The following RGN variants were observed in gnomAD, a reference collection of about 807,000 sequenced individuals.
RGN encodes regucalcin, also known as epididymis secretory protein Li 41.
A neutral mutation model predicts 20.6 loss-of-function variants in RGN; 19 were observed. The ratio of observed to expected loss-of-function variants is 0.92; its 90% confidence interval spans 0.64 to 1.35. RGN has a LOEUF of 1.35. Ranked by LOEUF, RGN falls within the 40% of genes most tolerant of loss-of-function variation. RGN has a pLI of 0.00. For missense variants in RGN, 302 were observed against 232.7 expected (o/e 1.30, Z -1.94); for synonymous variants, 85 against 87.2 (o/e 0.97, Z 0.14).
intron 3 of RGN, among the ~76,000 whole-genome samples, chrX:47,081,701 A>G (rs1930331375): frequency 9.0e-6 from 1 of 110,532 alleles, no homozygotes; most frequent in African/African-American, 3.3e-5. Context: ...GGTGCGTGCC[A>G]CTATGTCCAG....
intron 4 of RGN, among the ~76,000 whole-genome samples, chrX:47,089,532 A>ATATTATATATAGT (rs1569540553): frequency 3.0e-5 from 1 of 33,251 alleles, no homozygotes; most frequent in Admixed American, 4.2e-4. Context: ...ATATATACTC[A>ATATTATATATAGT]TATATATACA....
chrX:47,089,506 C>A (rs1457212864), intron 4 of RGN, among the ~76,000 whole-genome samples: 2 of 26,016 alleles, frequency 7.7e-5, no homozygotes, highest in Admixed American at 5.9e-4. Context: ...ATTATATATA[C>A]TTATATATAC....
chrX:47,091,772 C>A lies in RGN; in HGVS notation c.657C>A (p.Tyr219Ter). The A allele has an allele frequency of 1.7e-6, 2 of 1,210,714 alleles. No homozygotes were observed. Among genetic ancestry groups the A allele is most frequent in the East Asian group, 3.0e-5 (1 of 33,833 alleles). ...DAEGKLWVAC[Y>*]NGGRVIRLDP... ...AGGGGAAGCTCTGGGTGGCCTGTTA[C>A]AATGGAGGAAGAGTGATTCGTTTAG... The change falls in exon 6 of 8, where the codon TAC becomes TAA. Residue 219 changes from tyrosine to a stop codon, truncating the protein, a stop_gained. Coordinates refer to ENST00000397180, the MANE Select transcript of RGN (RefSeq NM_152869.4). LOFTEE classifies it high-confidence loss of function.
chrX:47,092,927 C>T lies in RGN; in HGVS notation c.880C>T (p.Pro294Ser). ...TGGTCTGGGGGTCAAAGGAATTGCTCCCTACTCCTATGCGGGATGAGGACA... is the reference window on the plus strand; with the variant it reads ...TGGTCTGGGGGTCAAAGGAATTGCTTCCTACTCCTATGCGGGATGAGGACA... ...ITGLGVKGIA[P>S]YSYAG The change falls in exon 8 of 8, where the codon CCC becomes TCC. Residue 294 changes from proline (P) to serine (S), a missense_variant. Physicochemically the swap from Pro to Ser is moderately conservative, Grantham distance 74 (BLOSUM62 -1). Coordinates refer to ENST00000397180, the MANE Select transcript of RGN (RefSeq NM_152869.4). 8.3e-7 allele frequency: 1 copy of T among 1,206,708 alleles called. No individual in the cohort carries two copies. Among genetic ancestry groups the T allele is most frequent in the Non-Finnish European group, 1.1e-6 (1 of 891,403 alleles).
rs868985290 is a variant in RGN, at chrX:47,079,360, T to G, written c.-636+651T>G. 2.9e-3 allele frequency among the ~76,000 whole-genome samples: 117 copies of G among 40,243 alleles called. No homozygotes were observed. In the South Asian group the frequency reaches 0.04, roughly 14 times the overall value. The allele number at this position is 40,243 out of a possible 115,157, so 34.9% of individuals were successfully genotyped here. ...TGGGCTGAGGTTTTTTTGTTTGTTT[T>G]TTTTTTTGTTTTGTTTTGGTTTGGT... On this transcript the variant is annotated intron_variant, in intron 1 of 7. Coordinates refer to ENST00000397180, the MANE Select transcript of RGN (RefSeq NM_152869.4).
rs14312 is a variant in RGN at position 47,092,999 on chromosome X, C to T, written c.*52C>T. 100,920 of 983,806 alleles carry T rather than the reference C, an allele frequency of 0.1. 3,993 individuals carry two copies. The highest frequency in any genetic ancestry group is 0.12 in the Non-Finnish European group (84,673 of 707,887). 81.1% of individuals were successfully genotyped at this position (983,806 alleles called of 1,213,427 possible). On this transcript the variant is annotated 3_prime_UTR_variant, in exon 8 of 8. Transcript: ENST00000397180. ...GAGCTCTGAAGACAACTAGAGAATT[C>T]TGGGCCTGAAATTTCAATCTAGTTA...
intron 6 of RGN, 78 bp downstream of exon 6, chrX:47,091,887 T>C (rs1487076100): frequency 2.7e-6 from 3 of 1,115,958 alleles, no homozygotes; most frequent in African/African-American, 3.7e-5. Flanking sequence ...CAGAATTTCT[T>C]TTCCTGTAGA....
At chrX:47,087,115 ATTT>A (rs1211291351) in intron 4 of RGN, among the ~76,000 whole-genome samples, 1 of 112,169 alleles carries the variant, frequency 8.9e-6, no homozygotes, top group African/African-American at 3.2e-5. Flanking sequence ...GTTTAAAAGA[ATTT>A]TATCTACAGT....
At chrX:47,084,822 G>T in intron 4 of RGN, 3 of 349,497 alleles carry the variant, frequency 8.6e-6, no homozygotes, top group Non-Finnish European at 1.5e-5. Flanking sequence ...GGGCCTGGTG[G>T]CATGCATCTG....
At chrX:47,081,670 T>A (rs1930327842) in intron 3 of RGN, among the ~76,000 whole-genome samples, 1 of 110,895 alleles carries the variant, frequency 9.0e-6, no homozygotes, top group African/African-American at 3.3e-5. Context: ...TGCCTCAGCC[T>A]CCCTAGTAGC....
Position 47,090,875 on chromosome X carries a change from AAAGAAAGAAAAGAAG to A in RGN, c.563-792_563-778del, listed in dbSNP as rs1489902212. ...AGACACTGTCAAAAAAAAAAGAAAG[AAAGAAAGAAAAGAAG>A]AAGAAAGAAAGAAAGAAAGAAGAAG... On this transcript the variant is annotated intron_variant, in intron 5 of 7. Coordinates refer to ENST00000397180, the MANE Select transcript of RGN (RefSeq NM_152869.4). Among the ~76,000 whole-genome samples the A allele has an allele frequency of 7.9e-5, 7 of 88,068 alleles. No individual in the cohort carries two copies. The South Asian group carries it at 2.5e-3, about 31-fold the overall frequency. The allele number at this position is 88,068 out of a possible 115,157, so 76.5% of individuals were successfully genotyped here.
intron 3 of RGN, among the ~76,000 whole-genome samples, chrX:47,081,516 T>TTA (rs1930310439): frequency 2.8e-5 from 2 of 71,722 alleles, no homozygotes; most frequent in South Asian, 1.4e-3. Context: ...ATTCCTAGTT[T>TTA]TTTTTTGGGG....
At chrX:47,084,311 C>T (rs1930483649) in intron 3 of RGN, 107 bp from the exon 4 acceptor site, 1 of 643,252 alleles carries the variant, frequency 1.6e-6, no homozygotes, top group Non-Finnish European at 2.3e-6. Context: ...CTCCCATTGT[C>T]ACGAGAGCTG....
intron 4 of RGN, 98 bp downstream of exon 4, chrX:47,084,698 G>A: frequency 1.3e-6 from 1 of 762,839 alleles, no homozygotes; most frequent in Non-Finnish European, 1.9e-6. Flanking sequence ...GCTCCCGCCT[G>A]TAATCCAGCA....
chrX:47,089,596 TATAC>T lies in RGN; in HGVS notation c.347-178_347-175del, dbSNP rs1349630977. Among the ~76,000 whole-genome samples, 188 of 38,866 alleles carry T rather than the reference TATAC, an allele frequency of 4.8e-3. 1 individual carries two copies. The highest frequency in any genetic ancestry group is 0.03 in the African/African-American group (182 of 6,109). 33.8% of individuals were successfully genotyped at this position (38,866 alleles called of 115,157 possible). On this transcript the variant is annotated intron_variant, in intron 4 of 7. Coordinates refer to ENST00000397180, the MANE Select transcript of RGN (RefSeq NM_152869.4). Reference sequence around the variant, plus strand: ...TATATACTTTATATATATATATATATATACACACACACACACACACACACACACA... The same window carrying T: ...TATATACTTTATATATATATATATATACACACACACACACACACACACACA...
intron 5 of RGN, among the ~76,000 whole-genome samples, chrX:47,090,923 A>G (rs201663385): frequency 0.016 from 353 of 21,508 alleles, 5 homozygotes; most frequent in African/African-American, 0.046. Flanking sequence ...AAGGAAAGAA[A>G]GAAAGAAAGA....
intron 1 of RGN, among the ~76,000 whole-genome samples, chrX:47,079,604 T>C (rs1344050347): frequency 9.2e-6 from 1 of 108,626 alleles, no homozygotes; most frequent in Non-Finnish European, 1.9e-5. Context: ...CCAATTTTTT[T>C]GTATTTTTAG....
rs782448751 is a variant in RGN, at chrX:47,089,991, T to C, written c.562T>C (p.Ser188Pro). The change falls in exon 5 of 8, where the codon TCC (serine) becomes CCC (proline). Residue 188 changes from serine (S) to proline (P), a missense_variant and splice_region_variant. By Grantham distance (74) the Ser-to-Pro change is moderately conservative. Coordinates refer to ENST00000397180, the MANE Select transcript of RGN (RefSeq NM_152869.4). Reference protein sequence around the residue: ...FDYDLQTGQISNRRSVYKLEK... With the variant: ...FDYDLQTGQIPNRRSVYKLEK... Reference sequence around the variant, plus strand: ...CTATGACCTGCAGACAGGACAGATCTGTATGTATTTTTCATTATTTGTCTC... The same window carrying C: ...CTATGACCTGCAGACAGGACAGATCCGTATGTATTTTTCATTATTTGTCTC... 5.2e-6 allele frequency: 6 copies of C among 1,151,412 alleles called. No homozygotes were observed. The Admixed American group carries it at 1.4e-4, about 27-fold the overall frequency. The allele number at this position is 1,151,412 out of a possible 1,213,427, so 94.9% of individuals were successfully genotyped here. A position where few individuals can be genotyped will look rare whatever the true frequency, so the allele number is the denominator to read the frequency against.
At chrX:47,086,738 A>AGAG (rs782448286) in intron 4 of RGN, among the ~76,000 whole-genome samples, 1 of 38,040 alleles carries the variant, frequency 2.6e-5, no homozygotes, top group Admixed American at 2.3e-4. Context: ...ATAACAGGAG[A>AGAG]GAGAGAGAGA....
Sources: allele counts gnomAD v4.1 joint callset (sites outside exome capture counted in the v4.1 genomes callset), GRCh38; gene constraint gnomAD v4.1.1; transcripts MANE v1.5; gene names NCBI Gene and HGNC (gene_info 2026-07-23, HGNC 2026-07-21).